The following PRPS2 variants were observed in gnomAD, a reference collection of about 807,000 sequenced individuals.
PRPS2 encodes the protein ribose-phosphate pyrophosphokinase 2.
For missense variants in PRPS2, 104 were observed against 271.5 expected, an observed-to-expected ratio of 0.38 and a Z score of 4.34; for synonymous variants, 111 against 115.3, an observed-to-expected ratio of 0.96 and a Z score of 0.24.
intron 6 of PRPS2, among the ~76,000 whole-genome samples, 184 bp from the exon 7 acceptor site, chrX:12,822,520 G>C (rs759956921): frequency 4.5e-5 from 5 of 112,294 alleles, no homozygotes; most frequent in Non-Finnish European, 9.4e-5. Flanking sequence ...TGGTTCAACG[G>C]GTTGTAATTT....
intron 4 of PRPS2, among the ~76,000 whole-genome samples, chrX:12,814,238 C>T (rs2042637547): frequency 9.0e-6 from 1 of 111,590 alleles, no homozygotes; most frequent in Non-Finnish European, 1.9e-5. Flanking sequence ...GAATAAATGG[C>T]TGGGGTTGAG....
intron 1 of PRPS2, among the ~76,000 whole-genome samples, chrX:12,793,349 G>A (rs2042528911): frequency 8.9e-6 from 1 of 112,423 alleles, no homozygotes; most frequent in Admixed American, 9.4e-5. Flanking sequence ...TACCACATGT[G>A]CCACTGGGCA....
rs2147226566 is a variant in PRPS2, at chrX:12,823,863, A to G, written c.*1067A>G. ...CAAAGGTGATGAAGACTGTCTTGGG[A>G]GCAGCTTAATCCCAAAATTTGTACA... On this transcript the variant is annotated 3_prime_UTR_variant, in exon 7 of 7. Coordinates refer to ENST00000380668, the MANE Select transcript of PRPS2 (RefSeq NM_002765.5). 8.9e-6 allele frequency: 1 copy of G among 112,097 alleles called. No homozygotes were observed. Among genetic ancestry groups the G allele is most frequent in the South Asian group, 3.7e-4 (1 of 2,679 alleles). The allele number at this position is 112,097 out of a possible 1,213,427, so 9.2% of individuals were successfully genotyped here.
intron 1 of PRPS2, among the ~76,000 whole-genome samples, chrX:12,798,383 A>G (rs920547432): frequency 1.3e-4 from 14 of 111,834 alleles, no homozygotes; most frequent in African/African-American, 3.9e-4. Context: ...CTGAATGGAA[A>G]TGGAGTTCAG....
At chrX:12,791,775 C>T (rs1479481197) in intron 1 of PRPS2, among the ~76,000 whole-genome samples, 156 bp downstream of exon 1, 1 of 110,275 alleles carries the variant, frequency 9.1e-6, no homozygotes, top group Non-Finnish European at 1.9e-5. Flanking sequence ...GCCCCCGCGC[C>T]CGCGCCTGCG....
chrX:12,800,973 A>G (rs1789921181), intron 2 of PRPS2, among the ~76,000 whole-genome samples: 1 of 112,375 alleles, frequency 8.9e-6, no homozygotes, highest in African/African-American at 3.2e-5. Flanking sequence ...ACAATATGTA[A>G]ATGAATGGGT....
chrX:12,817,917 A>C (rs1006136019), intron 4 of PRPS2, among the ~76,000 whole-genome samples: 4 of 111,304 alleles, frequency 3.6e-5, no homozygotes, highest in African/African-American at 1.3e-4. Flanking sequence ...TGCCTGCTTA[A>C]GGGGTGTGGG....
rs374704771 is a variant in PRPS2, at chrX:12,819,529, T to C, written c.553T>C (p.Leu185=). The change falls in exon 5 of 7, where the codon TTG becomes CTG. Residue 185 remains leucine, a synonymous_variant. Transcript: ENST00000380668. ...AKRVTSIADR[L]NVEFALIHKE... is the part of the protein sequence containing the mutation. Reference sequence around the variant, plus strand: ...CAGGGTTACATCAATTGCAGACAGGTTGAATGTGGAATTTGCTTTGATCCA... The same window carrying C: ...CAGGGTTACATCAATTGCAGACAGGCTGAATGTGGAATTTGCTTTGATCCA... 2.9e-5 allele frequency: 35 copies of C among 1,207,901 alleles called. No individual in the cohort carries two copies. Among genetic ancestry groups the C allele is most frequent in the African/African-American group, 5.2e-5 (3 of 57,214 alleles).
At chrX:12,796,453 G>C (rs1053614977) in intron 1 of PRPS2, among the ~76,000 whole-genome samples, 2 of 110,722 alleles carry the variant, frequency 1.8e-5, no homozygotes, top group African/African-American at 6.6e-5. Flanking sequence ...CAGACCTCAG[G>C]TGATCAGCCC....
intron 4 of PRPS2, among the ~76,000 whole-genome samples, chrX:12,818,380 A>AAG (rs1485094255): frequency 5.5e-4 from 59 of 108,026 alleles, no homozygotes; most frequent in East Asian, 1.7e-3. Context: ...AAAAAAAAAA[A>AAG]AAAAGAAAAG....
chrX:12,807,016 A>G (rs1205077218), intron 2 of PRPS2, among the ~76,000 whole-genome samples: 3 of 111,475 alleles, frequency 2.7e-5, no homozygotes, highest in African/African-American at 9.8e-5. Flanking sequence ...AGATCACACC[A>G]TTGCACTCCA....
Position 12,822,883 on chromosome X carries a change from T to C in PRPS2, c.*87T>C. On this transcript the variant is annotated 3_prime_UTR_variant, in exon 7 of 7. Coordinates refer to ENST00000380668, the MANE Select transcript of PRPS2 (RefSeq NM_002765.5). ...ATTTTTAGCTGTAGGTATTCAGCAA[T>C]GATAGGTTAATCACTGGCAAAAGCA... 1.4e-6 allele frequency: 1 copy of C among 702,748 alleles called. No individual in the cohort carries two copies. The highest frequency in any genetic ancestry group is 2.2e-6 in the Non-Finnish European group (1 of 448,520). The allele number at this position is 702,748 out of a possible 1,213,427, so 57.9% of individuals were successfully genotyped here. A position where few individuals can be genotyped will look rare whatever the true frequency, so the allele number is the denominator to read the frequency against.
intron 4 of PRPS2, among the ~76,000 whole-genome samples, chrX:12,813,972 T>C (rs139895413): frequency 9.0e-6 from 1 of 111,001 alleles, no homozygotes; most frequent in African/African-American, 3.3e-5. Flanking sequence ...TCTTCTCCCA[T>C]GATTCTGTAT....
At chrX:12,793,986 T>C (rs2042531738) in intron 1 of PRPS2, among the ~76,000 whole-genome samples, 1 of 112,656 alleles carries the variant, frequency 8.9e-6, no homozygotes, top group South Asian at 3.6e-4. Flanking sequence ...TGTAACATTT[T>C]ACTATGGTCA....
At chrX:12,814,336 G>A (rs777889864) in intron 4 of PRPS2, among the ~76,000 whole-genome samples, 3 of 111,664 alleles carry the variant, frequency 2.7e-5, no homozygotes, top group East Asian at 5.6e-4. Context: ...AAGCTTTTTA[G>A]GGAAGTACAT....
chrX:12,791,970 G>C (rs1049633572), intron 1 of PRPS2, among the ~76,000 whole-genome samples: 7 of 113,149 alleles, frequency 6.2e-5, no homozygotes, highest in African/African-American at 1.6e-4. Flanking sequence ...ACAGACCGTC[G>C]GGGAGAGAGT....
intron 1 of PRPS2, 22 bp downstream of exon 1, chrX:12,791,641 G>C: frequency 9.5e-7 from 1 of 1,057,199 alleles, no homozygotes; most frequent in Non-Finnish European, 1.2e-6. Flanking sequence ...GCCGGCGGCC[G>C]GGCTAGGGAG....
At chrX:12,799,175 G>A (rs376483980) in intron 1 of PRPS2, 32 bp from the exon 2 acceptor site, 43 of 1,194,170 alleles carry the variant, frequency 3.6e-5, no homozygotes, top group Non-Finnish European at 4.6e-5. Flanking sequence ...AATATGCTTC[G>A]ATATTAACCG....
rs1555903798 is a variant in PRPS2 at position 12,818,366 on chromosome X, C to CCA, written c.531-1141_531-1140insCA. 2.1e-4 allele frequency among the ~76,000 whole-genome samples: 13 copies of CCA among 62,897 alleles called. No individual in the cohort carries two copies. The South Asian group carries it at 0.011, about 54-fold the overall frequency. The allele number at this position is 62,897 out of a possible 115,157, so 54.6% of individuals were successfully genotyped here. On this transcript the variant is annotated intron_variant, in intron 4 of 6. Coordinates refer to ENST00000380668, the MANE Select transcript of PRPS2 (RefSeq NM_002765.5). ...CTGGTCAACAAGAGTGAAACTGTCTCAAAAAAAAAAAAAAAAAAGAAAAGA... is the reference window on the plus strand; with the variant it reads ...CTGGTCAACAAGAGTGAAACTGTCTCCAAAAAAAAAAAAAAAAAAAGAAAAGA...
Sources: allele counts gnomAD v4.1 joint callset (sites outside exome capture counted in the v4.1 genomes callset), GRCh38; gene constraint gnomAD v4.1.1; transcripts MANE v1.5; gene names NCBI Gene and HGNC (gene_info 2026-07-23, HGNC 2026-07-21).